Variants in PDE11A observed in about 807,000 individuals in gnomAD.
PDE11A encodes the protein phosphodiesterase 11A.
Under a neutral mutation model 100.5 loss-of-function variants are expected in PDE11A, and 100 were observed. That is an observed-to-expected ratio of 1.00 (90% CI 0.85 to 1.18). The LOEUF (loss-of-function observed/expected upper bound fraction) is 1.18, where lower values mean the gene tolerates loss of function less well. PDE11A is among the 50% of genes most tolerant of loss of function. PDE11A has a pLI of 0.00. For synonymous variants in PDE11A, 381 were observed against 420.8 expected (o/e 0.91, Z 1.16); for missense variants, 1,141 against 1,152.6 (o/e 0.99, Z 0.15).
At chr2:178,001,547 C>A (rs16865995) in intron 2 of PDE11A, among the ~76,000 whole-genome samples, 49,393 of 151,960 alleles carry the variant, frequency 0.33, 10,092 homozygotes, top group East Asian at 0.55. Context: ...TGCAATTAGT[C>A]CTATTCAAGA....
At chr2:177,640,604 A>T (rs948973405) in intron 19 of PDE11A, among the ~76,000 whole-genome samples, 2 of 152,218 alleles carry the variant, frequency 1.3e-5, no homozygotes, top group Non-Finnish European at 2.9e-5. Flanking sequence ...TGAACTGCTA[A>T]TCCCTCTTAG....
At chr2:177,666,708 T>C (rs4893838) in intron 18 of PDE11A, among the ~76,000 whole-genome samples, 95,910 of 151,176 alleles carry the variant, frequency 0.63, 32,904 homozygotes, top group Admixed American at 0.75. Context: ...TTTGGAGATA[T>C]GTCTGTTCAG....
At chr2:177,787,078 A>G (rs13023528) in intron 9 of PDE11A, among the ~76,000 whole-genome samples, 22 of 131,782 alleles carry the variant, frequency 1.7e-4, no homozygotes, top group East Asian at 2.0e-4. Context: ...CTCCAAGACA[A>G]ATAATTGTCA....
rs1200556579 is a variant in PDE11A, at chr2:177,914,631, T to A, written c.1072-9444A>T. On this transcript the variant is annotated intron_variant, in intron 2 of 19. Coordinates refer to ENST00000286063, the MANE Select transcript of PDE11A (RefSeq NM_016953.4). ...ATTCCCCACTTACCCAGCACAGGTA[T>A]AAATGCAGGAAGCTACACAATAGAG... Among the ~76,000 whole-genome samples, 5 of 152,148 alleles carry A rather than the reference T, an allele frequency of 3.3e-5. No homozygotes were observed. In the East Asian group the frequency reaches 9.6e-4, roughly 29 times the overall value.
Position 177,665,130 on chromosome 2 carries a change from G to A in PDE11A, c.2563-1181C>T, listed in dbSNP as rs371467091. Among the ~76,000 whole-genome samples, 19 of 152,256 alleles carry A rather than the reference G, an allele frequency of 1.2e-4. No individual in the cohort carries two copies. The East Asian group carries it at 2.3e-3, about 19-fold the overall frequency. On this transcript the variant is annotated intron_variant, in intron 18 of 19. Coordinates refer to ENST00000286063, the MANE Select transcript of PDE11A (RefSeq NM_016953.4). ...AATTTGGAGAAAATTGTGAAAATGT[G>A]CTGGAGAGAGGGATAGTTCTTGTGA... is the stretch of plus-strand genomic sequence containing the variant.
chr2:177,785,286 C>T (rs536315870), intron 9 of PDE11A, among the ~76,000 whole-genome samples: 1 of 140,838 alleles, frequency 7.1e-6, no homozygotes, highest in South Asian at 2.2e-4. Flanking sequence ...ATCATGGGCC[C>T]AGATAGGAGA....
At position 177,631,592 on chromosome 2, in the gene PDE11A, C is replaced by CAT. The variant is rs561567306; in HGVS notation, c.2647-2032_2647-2031dup. On this transcript the variant is annotated intron_variant, in intron 19 of 19. Coordinates refer to ENST00000286063, the MANE Select transcript of PDE11A (RefSeq NM_016953.4). The stretch of plus-strand genomic sequence containing the variant: ...ATACATGTATATATATATACACACA[C>CAT]ATATATATGTGTGTATATATATACA... Among the ~76,000 whole-genome samples, 3 of 23,426 alleles carry CAT rather than the reference C, an allele frequency of 1.3e-4. 1 individual carries two copies. In the South Asian group the frequency reaches 8.5e-3, roughly 67 times the overall value. 15.4% of individuals were successfully genotyped at this position (23,426 alleles called of 152,430 possible). A position where few individuals can be genotyped will look rare whatever the true frequency, so the allele number is the denominator to read the frequency against.
At chr2:177,942,407 T>TTTA (rs146076569) in intron 2 of PDE11A, among the ~76,000 whole-genome samples, 11 of 74,584 alleles carry the variant, frequency 1.5e-4, no homozygotes, top group East Asian at 5.8e-4. Context: ...TTTAAAATTA[T>TTTA]TTTTTTTTTT....
At chr2:177,760,903 G>A (rs16865772) in intron 10 of PDE11A, among the ~76,000 whole-genome samples, 2,134 of 152,138 alleles carry the variant, frequency 0.014, 40 homozygotes, top group East Asian at 0.046. Context: ...TCCAAATGAG[G>A]AAAAATAGGA....
At chr2:177,645,490 C>T (rs2080210665) in intron 19 of PDE11A, among the ~76,000 whole-genome samples, 1 of 152,174 alleles carries the variant, frequency 6.6e-6, no homozygotes, top group South Asian at 2.1e-4. Flanking sequence ...GCAACCATGC[C>T]TGGCCAAGAA....
At chr2:177,675,978 C>T (rs2080766786) in intron 16 of PDE11A, 2 of 295,404 alleles carry the variant, frequency 6.8e-6, no homozygotes, top group South Asian at 6.7e-5. Context: ...AAGGCACATG[C>T]CACATAAGGG....
At chr2:177,868,160 A>G (rs930128391) in intron 5 of PDE11A, among the ~76,000 whole-genome samples, 2 of 152,242 alleles carry the variant, frequency 1.3e-5, no homozygotes, top group African/African-American at 4.8e-5. Flanking sequence ...TCAATAAGGC[A>G]TTGAAACAGA....
At chr2:177,860,662 C>A (rs1325990732) in intron 5 of PDE11A, among the ~76,000 whole-genome samples, 1 of 151,576 alleles carries the variant, frequency 6.6e-6, no homozygotes, top group Non-Finnish European at 1.5e-5. Flanking sequence ...AGCTATAGAC[C>A]CTTATAAATA....
intron 16 of PDE11A, chr2:177,675,721 C>T: frequency 2.9e-6 from 2 of 691,528 alleles, no homozygotes; most frequent in Non-Finnish European, 5.4e-6. Context: ...GAAGACAAAG[C>T]TCTCACACAT....
intron 9 of PDE11A, among the ~76,000 whole-genome samples, chr2:177,779,876 G>A (rs534460213): frequency 1.3e-5 from 2 of 152,264 alleles, no homozygotes; most frequent in South Asian, 4.2e-4. Context: ...CTTTCTAGAA[G>A]GTTTTCAATT....
chr2:177,685,309 A>C (rs753701412), intron 15 of PDE11A, among the ~76,000 whole-genome samples: 35 of 152,336 alleles, frequency 2.3e-4, no homozygotes, highest in Non-Finnish European at 4.4e-4. Flanking sequence ...CACAAAATCT[A>C]TTCAGGAAAA....
At chr2:177,674,851 G>A (rs910080759) in intron 17 of PDE11A, among the ~76,000 whole-genome samples, 3 of 152,084 alleles carry the variant, frequency 2.0e-5, no homozygotes, top group African/African-American at 4.8e-5. Flanking sequence ...ATCATAAAAC[G>A]CACATAACGA....
chr2:177,918,410 T>A (rs201028519), intron 2 of PDE11A, among the ~76,000 whole-genome samples: 1 of 152,062 alleles, frequency 6.6e-6, no homozygotes, highest in Admixed American at 6.6e-5. Context: ...CTCAATTACA[T>A]ACAAAGTAAG....
At chr2:178,000,506 A>G (rs1171477216) in intron 2 of PDE11A, among the ~76,000 whole-genome samples, 1 of 152,236 alleles carries the variant, frequency 6.6e-6, no homozygotes, top group African/African-American at 2.4e-5. Flanking sequence ...TAAAGCAAGA[A>G]AAATGCTAAA....
Sources: gnomAD v4.1 joint callset for allele counts (sites outside exome capture counted in the v4.1 genomes callset) on GRCh38, gnomAD v4.1.1 for gene constraint, MANE v1.5 for transcripts, NCBI Gene and HGNC (gene_info 2026-07-23, HGNC 2026-07-21) for gene names.